VAPA: variants seen among roughly 807,000 people sequenced by gnomAD.
VAPA encodes the protein VAMP associated protein A.
Under a neutral mutation model 25.6 loss-of-function variants are expected in VAPA, and 6 were observed. The ratio of observed to expected loss-of-function variants is 0.23; its 90% CI spans 0.13 to 0.46. The LOEUF is 0.46. VAPA is among the 20% of genes least tolerant of loss of function. VAPA has a pLI of 0.99. For missense variants in VAPA, 244 were observed against 302.1 expected (o/e 0.81, Z 1.43); for synonymous variants, 112 against 106.2 (o/e 1.05, Z -0.34).
chr18:9,949,501 T>A (rs2069464438), intron 4 of VAPA: 1 of 152,232 alleles, frequency 6.6e-6, no homozygotes, highest in East Asian at 1.9e-4. Context: ...ATAAATCTTA[T>A]AAAATGAGTA....
At chr18:9,937,985 C>T (rs997230180) in intron 4 of VAPA, among the ~76,000 whole-genome samples, 137 of 152,116 alleles carry the variant, frequency 9.0e-4, no homozygotes, top group African/African-American at 3.1e-3. Flanking sequence ...TTTTAAAATG[C>T]CTCTTTTAAG....
intron 4 of VAPA, chr18:9,945,080 G>A (rs758571217): frequency 2.5e-5 from 40 of 1,610,942 alleles, no homozygotes; most frequent in Non-Finnish European, 3.3e-5. Context: ...GGAGTTAACA[G>A]ACTTAGGAGT....
intron 1 of VAPA, among the ~76,000 whole-genome samples, chr18:9,930,306 T>G (rs2069240772): frequency 6.6e-6 from 1 of 152,182 alleles, no homozygotes; most frequent in Non-Finnish European, 1.5e-5. Flanking sequence ...GGATCTTTAT[T>G]TTAATCTGTG....
chr18:9,954,310 C>A lies in VAPA; in HGVS notation c.*99C>A. On this transcript the variant is annotated 3_prime_UTR_variant, in exon 6 of 6. Transcript: ENST00000400000. ...TCATTGGTAGTATGGCCCACGGTGA[C>A]CATTTTTTTGTGTGTACAGCGTCAT... is the stretch of plus-strand genomic sequence containing the variant. 9.0e-7 allele frequency: 1 copy of A among 1,108,180 alleles called. No individual in the cohort carries two copies. Among genetic ancestry groups the A allele is most frequent in the Non-Finnish European group, 1.3e-6 (1 of 771,742 alleles). 68.6% of individuals were successfully genotyped at this position (1,108,180 alleles called of 1,614,324 possible). A position where few individuals can be genotyped will look rare whatever the true frequency, so the allele number is the denominator to read the frequency against.
chr18:9,935,162 CAA>C (rs374627770), intron 2 of VAPA, among the ~76,000 whole-genome samples: 4 of 151,048 alleles, frequency 2.6e-5, no homozygotes, highest in African/African-American at 4.9e-5. Context: ...TTTTAGAACT[CAA>C]GAGGCTATAT....
rs1046094977 is a variant in VAPA, at chr18:9,954,394, C to T, written c.*183C>T. 2.8e-5 allele frequency: 16 copies of T among 569,260 alleles called. No individual in the cohort carries two copies. The highest frequency in any genetic ancestry group is 4.6e-4 in the Middle Eastern group (1 of 2,160). The allele number at this position is 569,260 out of a possible 1,614,324, so 35.3% of individuals were successfully genotyped here. A position where few individuals can be genotyped will look rare whatever the true frequency, so the allele number is the denominator to read the frequency against. ...GAAAACACAATAAAAACAAACTGTT[C>T]GGCTACTGGACAGGTTGTATATTAC... On this transcript the variant is annotated 3_prime_UTR_variant, in exon 6 of 6. Transcript: ENST00000400000.
intron 1 of VAPA, among the ~76,000 whole-genome samples, chr18:9,931,265 C>A (rs1354602336): frequency 2.0e-5 from 3 of 152,060 alleles, no homozygotes; most frequent in Non-Finnish European, 2.9e-5. Context: ...GGGTGCAGAA[C>A]CAAAGCTTAA....
rs2143256105 is a variant in VAPA, at chr18:9,914,058, T to G, written c.-199T>G. 2.0e-6 allele frequency: 1 copy of G among 508,970 alleles called. No homozygotes were observed. Among genetic ancestry groups the G allele is most frequent in the Non-Finnish European group, 3.5e-6 (1 of 289,482 alleles). 31.5% of individuals were successfully genotyped at this position (508,970 alleles called of 1,614,324 possible). ...GTGGCCGTGGCGGCTGGTGTGGGGT[T>G]GAGTCAGTTGTGGGACCCGGAGCTG... On this transcript the variant is annotated 5_prime_UTR_variant, in exon 1 of 6. Coordinates refer to ENST00000400000, the MANE Select transcript of VAPA (RefSeq NM_194434.3).
chr18:9,914,189 C>G lies in VAPA; in HGVS notation c.-68C>G. 7.0e-7 allele frequency: 1 copy of G among 1,425,556 alleles called. No homozygotes were observed. The allele number at this position is 1,425,556 out of a possible 1,614,324, so 88.3% of individuals were successfully genotyped here. Reference sequence around the variant, plus strand: ...TAGAGCTCGGCCGAGCCGTCGCCGCCGTCGTCCCCCGCCCCCAGTCAGCAA... The same window carrying G: ...TAGAGCTCGGCCGAGCCGTCGCCGCGGTCGTCCCCCGCCCCCAGTCAGCAA... On this transcript the variant is annotated 5_prime_UTR_variant, in exon 1 of 6. Transcript: ENST00000400000.
At chr18:9,950,226 T>C (rs934173755) in intron 4 of VAPA, 169 bp from the exon 5 acceptor site, 3 of 613,262 alleles carry the variant, frequency 4.9e-6, no homozygotes, top group Non-Finnish European at 5.6e-6. Flanking sequence ...ATTATGGGAA[T>C]AGAGGGAGTG....
At position 9,957,251 on chromosome 18, in the gene VAPA, C is replaced by T. The variant is rs866424536; in HGVS notation, c.*3040C>T. 4.6e-5 allele frequency: 7 copies of T among 152,068 alleles called. No individual in the cohort carries two copies. The highest frequency in any genetic ancestry group is 8.8e-5 in the Non-Finnish European group (6 of 68,048). The allele number at this position is 152,068 out of a possible 1,614,324, so 9.4% of individuals were successfully genotyped here. On this transcript the variant is annotated 3_prime_UTR_variant, in exon 6 of 6. Coordinates refer to ENST00000400000, the MANE Select transcript of VAPA (RefSeq NM_194434.3). ...TTCACCATGTTGGTCAGGCTGGGCT[C>T]AAACTCCTGAATCCGCCTGCCTCGG... is the stretch of plus-strand genomic sequence containing the variant.
rs1031877174 is a variant in VAPA at position 9,923,744 on chromosome 18, A to G, written c.80-8066A>G. 2.0e-5 allele frequency among the ~76,000 whole-genome samples: 3 copies of G among 152,154 alleles called. No homozygotes were observed. In the South Asian group the frequency reaches 6.2e-4, roughly 32 times the overall value. On this transcript the variant is annotated intron_variant, in intron 1 of 5. Transcript: ENST00000400000. ...CCCACTGAGAAAAACCTCACTAACAACAGATCCCCAAAAAATCTGTGGTTC... is the reference window on the plus strand; with the variant it reads ...CCCACTGAGAAAAACCTCACTAACAGCAGATCCCCAAAAAATCTGTGGTTC...
At chr18:9,930,699 T>TA (rs1555615841) in intron 1 of VAPA, among the ~76,000 whole-genome samples, 1,852 of 150,388 alleles carry the variant, frequency 0.012, 29 homozygotes, top group East Asian at 0.091. Flanking sequence ...GCTTTTTTTT[T>TA]AAAAAAAAAA....
At chr18:9,920,044 C>G (rs2143286496) in intron 1 of VAPA, among the ~76,000 whole-genome samples, 1 of 152,200 alleles carries the variant, frequency 6.6e-6, no homozygotes, top group East Asian at 1.9e-4. Flanking sequence ...GCTTATATAA[C>G]TGGGGAAATG....
chr18:9,953,030 G>A (rs2069506430), intron 5 of VAPA, among the ~76,000 whole-genome samples: 3 of 152,172 alleles, frequency 2.0e-5, no homozygotes, highest in Admixed American at 2.0e-4. Context: ...GTAAAAAACT[G>A]TCCTGCCATT....
At chr18:9,941,017 C>G (rs9945862) in intron 4 of VAPA, among the ~76,000 whole-genome samples, 10,357 of 152,122 alleles carry the variant, frequency 0.068, 591 homozygotes, top group African/African-American at 0.15. Context: ...GACAGGTGAG[C>G]TTGGAAAAAT....
intron 1 of VAPA, among the ~76,000 whole-genome samples, chr18:9,915,292 C>G (rs371094814): frequency 1.4e-4 from 22 of 152,324 alleles, no homozygotes; most frequent in African/African-American, 4.6e-4. Context: ...TCACCCAGCT[C>G]TGGAACTTTG....
intron 5 of VAPA, among the ~76,000 whole-genome samples, chr18:9,953,697 G>T (rs1243351208): frequency 6.6e-6 from 1 of 151,716 alleles, no homozygotes; most frequent in African/African-American, 2.4e-5. Context: ...ATTTTTAGTG[G>T]GATTTAAAAA....
chr18:9,918,880 C>T (rs1415026051), intron 1 of VAPA, among the ~76,000 whole-genome samples: 3 of 152,156 alleles, frequency 2.0e-5, no homozygotes, highest in East Asian at 1.9e-4. Flanking sequence ...CTACCCATGC[C>T]TACTCTTCTT....
Sources: gnomAD v4.1 joint callset for allele counts (sites outside exome capture counted in the v4.1 genomes callset) on GRCh38, gnomAD v4.1.1 for gene constraint, MANE v1.5 for transcripts, NCBI Gene and HGNC (gene_info 2026-07-23, HGNC 2026-07-21) for gene names.